Variants in PTPRJ observed in about 807,000 individuals in gnomAD.
The protein encoded by PTPRJ is receptor-type tyrosine-protein phosphatase eta.
A neutral mutation model predicts 141.3 loss-of-function variants in PTPRJ; 129 were observed. The observed-to-expected ratio is 0.91, with a 90% CI of 0.79 to 1.06. The LOEUF is 1.06. PTPRJ is among the 50% of genes least tolerant of loss of function. PTPRJ has a pLI of 0.00. For missense variants in PTPRJ, 1,601 were observed against 1,679.7 expected, an observed-to-expected ratio of 0.95 and a Z score of 0.82; for synonymous variants, 610 against 640.5, an observed-to-expected ratio of 0.95 and a Z score of 0.72.
chr11:48,080,953 C>T (rs61915869), intron 1 of PTPRJ, among the ~76,000 whole-genome samples: 4,633 of 152,366 alleles, frequency 0.03, 107 homozygotes, highest in Non-Finnish European at 0.046. Context: ...TGAATGAATA[C>T]AGACCCAGAT....
intron 1 of PTPRJ, among the ~76,000 whole-genome samples, chr11:48,072,388 T>C (rs1175696839): frequency 6.6e-6 from 1 of 152,100 alleles, no homozygotes; most frequent in Non-Finnish European, 1.5e-5. Flanking sequence ...ACCCCACCCA[T>C]GAGGGTGGAG....
At position 48,155,826 on chromosome 11, in the gene PTPRJ, G is replaced by A. The variant is rs374811455; in HGVS notation, c.3255G>A (p.Ser1085=). The A allele has an allele frequency of 1.3e-4, 211 of 1,605,794 alleles. No individual in the cohort carries two copies. The highest frequency in any genetic ancestry group is 1.6e-4 in the Non-Finnish European group (190 of 1,174,162). The part of the protein sequence containing the change: ...LPYDISRVKL[S]VQTHSTDDYI... Reference sequence around the variant, plus strand: ...ATGATATTTCCCGTGTCAAACTTTCGGTCCAGACCCATTCAACGGATGACT... The same window carrying A: ...ATGATATTTCCCGTGTCAAACTTTCAGTCCAGACCCATTCAACGGATGACT... Residue 1085 remains serine, a synonymous_variant, in exon 20 of 25, where the codon TCG becomes TCA. Coordinates refer to ENST00000418331, the MANE Select transcript of PTPRJ (RefSeq NM_002843.4).
chr11:48,135,170 C>CTTTT (rs36040052), intron 8 of PTPRJ, among the ~76,000 whole-genome samples: 4 of 86,774 alleles, frequency 4.6e-5, no homozygotes, highest in South Asian at 4.2e-4. Context: ...CCTTGAAGGG[C>CTTTT]TTTTTTTTTT....
chr11:48,008,814 C>T (rs1324227419), intron 1 of PTPRJ, among the ~76,000 whole-genome samples: 37 of 152,094 alleles, frequency 2.4e-4, no homozygotes, highest in Admixed American at 2.4e-3. Context: ...ATCCACCCAC[C>T]TCAGCTTCCC....
intron 1 of PTPRJ, among the ~76,000 whole-genome samples, chr11:48,090,244 C>T (rs1855832186): frequency 6.6e-6 from 1 of 152,186 alleles, no homozygotes; most frequent in Non-Finnish European, 1.5e-5. Flanking sequence ...AGGCTCACAG[C>T]CCCAGGCGCC....
At chr11:48,063,169 A>G (rs539081929) in intron 1 of PTPRJ, among the ~76,000 whole-genome samples, 1 of 152,276 alleles carries the variant, frequency 6.6e-6, no homozygotes, top group South Asian at 2.1e-4. Flanking sequence ...CTCTATTAAA[A>G]ATATAAAAAT....
chr11:48,046,908 A>ATTTTT (rs1442313554), intron 1 of PTPRJ, among the ~76,000 whole-genome samples: 3 of 85,910 alleles, frequency 3.5e-5, no homozygotes, highest in African/African-American at 2.6e-4. Flanking sequence ...ATATATATAT[A>ATTTTT]TATATTTTTT....
chr11:47,981,492 G>A (rs1056532651), intron 1 of PTPRJ, among the ~76,000 whole-genome samples: 1 of 152,200 alleles, frequency 6.6e-6, no homozygotes, highest in Non-Finnish European at 1.5e-5. Flanking sequence ...CAGGCGCTGG[G>A]CAGTGGGGCC....
At chr11:48,049,881 C>A (rs916488237) in intron 1 of PTPRJ, among the ~76,000 whole-genome samples, 2 of 152,090 alleles carry the variant, frequency 1.3e-5, no homozygotes, top group Middle Eastern at 3.2e-3. Context: ...TGTAGCCCTC[C>A]TATATGAAAC....
chr11:48,031,570 C>T (rs968038476), intron 1 of PTPRJ, among the ~76,000 whole-genome samples: 15 of 152,164 alleles, frequency 9.9e-5, no homozygotes, highest in African/African-American at 3.4e-4. Context: ...GATCACATCG[C>T]GGGATGAAGC....
chr11:48,113,997 G>A (rs1207775527), intron 3 of PTPRJ, among the ~76,000 whole-genome samples: 1 of 152,122 alleles, frequency 6.6e-6, no homozygotes, highest in African/African-American at 2.4e-5. Flanking sequence ...CTCCCCTGTT[G>A]TTGGGAAGGT....
intron 5 of PTPRJ, among the ~76,000 whole-genome samples, chr11:48,124,181 G>A (rs1856780840): frequency 6.6e-6 from 1 of 152,224 alleles, no homozygotes; most frequent in African/African-American, 2.4e-5. Context: ...TGGGCCTTCA[G>A]AGGAACTTAT....
intron 1 of PTPRJ, among the ~76,000 whole-genome samples, chr11:48,055,814 G>T (rs887092390): frequency 1.3e-5 from 2 of 152,204 alleles, no homozygotes; most frequent in African/African-American, 4.8e-5. Flanking sequence ...TAGCTTGCTT[G>T]GCTCAGCTCT....
chr11:48,159,971 C>T lies in PTPRJ; in HGVS notation c.3480C>T (p.Asp1160=). 6.2e-7 allele frequency: 1 copy of T among 1,613,834 alleles called. No homozygotes were observed. The highest frequency in any genetic ancestry group is 1.1e-5 in the South Asian group (1 of 91,076). The change falls in exon 22 of 25, where the codon GAC becomes GAT. Residue 1160 remains aspartate (D), a synonymous_variant. Transcript: ENST00000418331. ...ATTGGCCCTCCAAGCAGGCTCAGGA[C>T]TATGGAGACATAACTGTGGCAATGA... ...EEYWPSKQAQ[D]YGDITVAMTS...
intron 1 of PTPRJ, among the ~76,000 whole-genome samples, chr11:48,092,482 T>G (rs937640219): frequency 6.6e-6 from 1 of 151,492 alleles, no homozygotes; most frequent in African/African-American, 2.4e-5. Context: ...CAGGCTGGAG[T>G]GCAGTGGCGA....
intron 1 of PTPRJ, among the ~76,000 whole-genome samples, chr11:47,988,777 C>T (rs1854114360): frequency 6.6e-6 from 1 of 151,806 alleles, no homozygotes; most frequent in African/African-American, 2.4e-5. Flanking sequence ...CAGTTTGTAC[C>T]TGTATCCATA....
intron 1 of PTPRJ, among the ~76,000 whole-genome samples, chr11:48,058,913 A>G (rs1365493414): frequency 2.0e-5 from 3 of 152,000 alleles, no homozygotes; most frequent in Admixed American, 6.5e-5. Context: ...CCCCCTCTGC[A>G]GAGCCACACT....
intron 24 of PTPRJ, 118 bp from the exon 25 acceptor site, chr11:48,167,086 G>A (rs1857932980): frequency 1.1e-6 from 1 of 889,688 alleles, no homozygotes; most frequent in Non-Finnish European, 1.8e-6. Flanking sequence ...ACCGTTTGCT[G>A]TTGGGTGGAT....
At chr11:48,161,110 C>T (rs1052038689) in intron 22 of PTPRJ, among the ~76,000 whole-genome samples, 1 of 138,812 alleles carries the variant, frequency 7.2e-6, no homozygotes. Flanking sequence ...CCCAGGAGGT[C>T]GAGGCTGCAG....
Sources: allele counts gnomAD v4.1 joint callset (sites outside exome capture counted in the v4.1 genomes callset), GRCh38; gene constraint gnomAD v4.1.1; transcripts MANE v1.5; gene names NCBI Gene and HGNC (gene_info 2026-07-23, HGNC 2026-07-21).